Variants in GLG1 observed in about 807,000 individuals in gnomAD.
The protein encoded by GLG1 is golgi glycoprotein 1.
In GLG1, 38 loss-of-function variants were observed where a neutral mutation model predicts 160.5. The ratio of observed to expected loss-of-function variants is 0.24; its 90% CI spans 0.18 to 0.31. GLG1 has a LOEUF of 0.31. Among genes scored for constraint, GLG1 ranks in the 10% least tolerant of loss-of-function variants. The pLI is 1.00. For missense variants in GLG1, 1,373 were observed against 1,505.2 expected (o/e 0.91, Z 1.45); for synonymous variants, 644 against 543.4 (o/e 1.19, Z -2.57).
chr16:74,498,383 G>T lies in GLG1; in HGVS notation c.775-1739C>A, dbSNP rs532184656. ...GGAGGTAGAGGTTGCAGGGAGCCGAGATTGCACCACTGCACTCCAGACTGG... is the reference window on the plus strand; with the variant it reads ...GGAGGTAGAGGTTGCAGGGAGCCGATATTGCACCACTGCACTCCAGACTGG... On this transcript the variant is annotated intron_variant, in intron 4 of 25. Coordinates refer to ENST00000422840, the MANE Select transcript of GLG1 (RefSeq NM_001145667.2). Among the ~76,000 whole-genome samples the T allele has an allele frequency of 1.3e-4, 17 of 134,788 alleles. No homozygotes were observed. In the Middle Eastern group the frequency reaches 0.012, roughly 98 times the overall value. 88.4% of individuals were successfully genotyped at this position (134,788 alleles called of 152,430 possible). A position where few individuals can be genotyped will look rare whatever the true frequency, so the allele number is the denominator to read the frequency against.
At chr16:74,496,359 C>G in intron 5 of GLG1, 82 bp downstream of exon 5, 2 of 993,652 alleles carry the variant, frequency 2.0e-6, no homozygotes, top group Non-Finnish European at 3.0e-6. Context: ...TCTCAAAAAA[C>G]AACACAATTA....
rs1237760636 is a variant in GLG1, at chr16:74,536,608, T to C, written c.439-4455A>G. 2.6e-5 allele frequency among the ~76,000 whole-genome samples: 4 copies of C among 152,188 alleles called. No individual in the cohort carries two copies. In the East Asian group the frequency reaches 7.7e-4, roughly 29 times the overall value. On this transcript the variant is annotated intron_variant, in intron 1 of 25. Transcript: ENST00000422840. ...GATCTCCAAAAAGGAGTGGAGTGAT[T>C]CCTCAAGGAAGAAGTTACATGATCC...
At chr16:74,566,446 G>C (rs1229937924) in intron 1 of GLG1, among the ~76,000 whole-genome samples, 1 of 152,006 alleles carries the variant, frequency 6.6e-6, no homozygotes, top group Non-Finnish European at 1.5e-5. Flanking sequence ...TGAAACTTTT[G>C]GTTTATCTTT....
chr16:74,543,810 C>A (rs1299589188), intron 1 of GLG1, among the ~76,000 whole-genome samples: 2 of 151,744 alleles, frequency 1.3e-5, no homozygotes, highest in East Asian at 1.9e-4. Context: ...TACAAAAGAC[C>A]GGGAGAATCC....
At chr16:74,522,772 C>A (rs1440439376) in intron 2 of GLG1, among the ~76,000 whole-genome samples, 1 of 152,186 alleles carries the variant, frequency 6.6e-6, no homozygotes, top group East Asian at 1.9e-4. Flanking sequence ...CAGCCTGAAG[C>A]TCCTGGGCTC....
chr16:74,469,380 C>T (rs1350393403), intron 16 of GLG1: 1 of 327,720 alleles, frequency 3.1e-6, no homozygotes, highest in African/African-American at 2.1e-5. Context: ...GCTCTTAACT[C>T]TAGGACTGTA....
intron 14 of GLG1, among the ~76,000 whole-genome samples, chr16:74,471,517 T>G (rs1028806547): frequency 2.6e-5 from 4 of 152,188 alleles, no homozygotes; most frequent in Non-Finnish European, 5.9e-5. Flanking sequence ...CGCTTTTTTT[T>G]TCACTTTCCG....
chr16:74,588,594 T>A (rs1412345551), intron 1 of GLG1, among the ~76,000 whole-genome samples: 1 of 152,050 alleles, frequency 6.6e-6, no homozygotes, highest in Non-Finnish European at 1.5e-5. Flanking sequence ...AATTTTTGTA[T>A]GTTTTGTAGA....
At chr16:74,484,358 C>A (rs561273602) in intron 9 of GLG1, among the ~76,000 whole-genome samples, 1 of 151,570 alleles carries the variant, frequency 6.6e-6, no homozygotes, top group African/African-American at 2.4e-5. Flanking sequence ...TTTTTGAGAT[C>A]GAGTTTTCCT....
chr16:74,499,970 T>G (rs2016347980), intron 4 of GLG1, among the ~76,000 whole-genome samples: 1 of 152,146 alleles, frequency 6.6e-6, no homozygotes, highest in Non-Finnish European at 1.5e-5. Context: ...GCCACTGCAC[T>G]CCAGCCTGGG....
At chr16:74,468,593 C>A in intron 17 of GLG1, 1 of 221,626 alleles carries the variant, frequency 4.5e-6, no homozygotes, top group Non-Finnish European at 9.2e-6. Flanking sequence ...TTTTGAACTC[C>A]TGACCTCAAG....
chr16:74,465,847 T>C lies in GLG1; in HGVS notation c.2530-34A>G, dbSNP rs372019081. The C allele has an allele frequency of 2.4e-4, 378 of 1,592,448 alleles. 1 individual carries two copies. Among genetic ancestry groups the C allele is most frequent in the Middle Eastern group, 2.2e-3 (13 of 6,008 alleles). ...AAAGAGTTATAGTCAAGTTGAGAGA[T>C]GTCAGAGACTGCTCATCCATGTGTT... On this transcript the variant is annotated intron_variant, in intron 18 of 25. Coordinates refer to ENST00000422840, the MANE Select transcript of GLG1 (RefSeq NM_001145667.2).
At chr16:74,473,333 C>T (rs1163094161) in intron 13 of GLG1, among the ~76,000 whole-genome samples, 1 of 152,088 alleles carries the variant, frequency 6.6e-6, no homozygotes, top group East Asian at 1.9e-4. Flanking sequence ...CCTGCCTCAG[C>T]CTCCCAAGTA....
intron 2 of GLG1, among the ~76,000 whole-genome samples, chr16:74,512,207 G>A (rs2016832768): frequency 7.0e-6 from 1 of 141,976 alleles, no homozygotes; most frequent in Non-Finnish European, 1.5e-5. Context: ...CACCCAGGCT[G>A]AAGTGCAGTG....
At chr16:74,463,573 C>T (rs2014885070) in intron 19 of GLG1, 94 bp from the exon 20 acceptor site, 11 of 1,265,392 alleles carry the variant, frequency 8.7e-6, no homozygotes, top group Non-Finnish European at 1.1e-5. Context: ...GGAGTCTCAC[C>T]GTGTCACCCA....
chr16:74,546,369 C>T lies in GLG1; in HGVS notation c.439-14216G>A, dbSNP rs143233380. On this transcript the variant is annotated intron_variant, in intron 1 of 25. Coordinates refer to ENST00000422840, the MANE Select transcript of GLG1 (RefSeq NM_001145667.2). The stretch of plus-strand genomic sequence containing the variant: ...CTGAGGTGGAAGGATCGCTTGAGCC[C>T]AGGAGATAGAGATTGCAGTAAGCAG... Among the ~76,000 whole-genome samples, 60 of 152,096 alleles carry T rather than the reference C, an allele frequency of 3.9e-4. No individual in the cohort carries two copies. In the East Asian group the frequency reaches 0.011, roughly 27 times the overall value.
chr16:74,459,253 T>A (rs891176528), intron 23 of GLG1, among the ~76,000 whole-genome samples: 6 of 151,946 alleles, frequency 3.9e-5, no homozygotes, highest in Admixed American at 3.9e-4. Flanking sequence ...CCGAGGCGGG[T>A]GGATCACGAG....
chr16:74,566,104 C>A (rs988612909), intron 1 of GLG1, among the ~76,000 whole-genome samples: 26 of 152,190 alleles, frequency 1.7e-4, no homozygotes, highest in African/African-American at 6.3e-4. Flanking sequence ...ACAATCGCAT[C>A]AAAGGCATAC....
intron 1 of GLG1, among the ~76,000 whole-genome samples, chr16:74,554,000 A>G (rs2018281210): frequency 6.6e-6 from 1 of 152,230 alleles, no homozygotes; most frequent in South Asian, 2.1e-4. Context: ...AGATCATTTA[A>G]AATTCTCAAC....
Sources: gnomAD v4.1 joint callset for allele counts (sites outside exome capture counted in the v4.1 genomes callset) on GRCh38, gnomAD v4.1.1 for gene constraint, MANE v1.5 for transcripts, NCBI Gene and HGNC (gene_info 2026-07-23, HGNC 2026-07-21) for gene names.